The following TOMM5 variants were observed in gnomAD, a reference collection of about 807,000 sequenced individuals.
The protein encoded by TOMM5 is translocase of outer mitochondrial membrane 5.
TOMM5 carries 1 observed loss-of-function variant against 4.8 expected under a neutral mutation model. The ratio of observed to expected loss-of-function variants is 0.21; its 90% CI spans 0.07 to 0.99. The LOEUF (loss-of-function observed/expected upper bound fraction) is 0.99. Among genes scored for constraint, TOMM5 ranks in the 50% least tolerant of loss-of-function variants. TOMM5 has a pLI of 0.60. For synonymous variants in TOMM5, 26 were observed against 26.7 expected (o/e 0.97, Z 0.08); for missense variants, 60 against 66.6 (o/e 0.90, Z 0.35).
At chr9:37,592,150 C>T (rs1475242639) in intron 1 of TOMM5, 2 of 1,402,242 alleles carry the variant, frequency 1.4e-6, no homozygotes, top group Non-Finnish European at 1.9e-6. Context: ...TGAGCCAACG[C>T]GCCCGGCAGC....
intron 1 of TOMM5, among the ~76,000 whole-genome samples, chr9:37,590,579 A>G (rs1044569695): frequency 6.6e-6 from 1 of 152,208 alleles, no homozygotes; most frequent in Non-Finnish European, 1.5e-5. Context: ...GACTGCTAAA[A>G]ACCACTGAAT....
In TOMM5 at chr9:37,590,173, G is replaced by T. The variant is rs1167540969; in HGVS notation, c.122-1241C>A. Among the ~76,000 whole-genome samples the T allele has an allele frequency of 3.3e-5, 5 of 152,174 alleles. No homozygotes were observed. In the East Asian group the frequency reaches 9.6e-4, roughly 29 times the overall value. On this transcript the variant is annotated intron_variant, in intron 1 of 1. Coordinates refer to ENST00000321301, the MANE Select transcript of TOMM5 (RefSeq NM_001001790.3). ...TTGGGAGGAGGAAATGAGAAGGATT[G>T]ATCGAGCCCAATAGTTTGAGACCAA...
Position 37,588,694 on chromosome 9 carries a change from C to G in TOMM5, c.*204G>C. The G allele has an allele frequency of 1.4e-6, 1 of 695,916 alleles. No individual in the cohort carries two copies. Among genetic ancestry groups the G allele is most frequent in the Non-Finnish European group, 2.6e-6 (1 of 381,622 alleles). The allele number at this position is 695,916 out of a possible 1,614,324, so 43.1% of individuals were successfully genotyped here. On this transcript the variant is annotated 3_prime_UTR_variant, in exon 2 of 2. Transcript: ENST00000321301. ...ACAGGGATAAGGGTACACCAGATCACGAGACATCGTTTCATACTTCCCAAA... is the reference window on the plus strand; with the variant it reads ...ACAGGGATAAGGGTACACCAGATCAGGAGACATCGTTTCATACTTCCCAAA...
At chr9:37,591,051 G>A (rs552575945) in intron 1 of TOMM5, among the ~76,000 whole-genome samples, 1 of 152,190 alleles carries the variant, frequency 6.6e-6, no homozygotes, top group African/African-American at 2.4e-5. Flanking sequence ...GGGCATTCGA[G>A]AACTGATCAT....
chr9:37,591,395 T>C (rs1823098596), intron 1 of TOMM5, among the ~76,000 whole-genome samples: 2 of 152,170 alleles, frequency 1.3e-5, no homozygotes, highest in African/African-American at 4.8e-5. Flanking sequence ...AGGTCAGCAC[T>C]TTTGAAAGGG....
chr9:37,591,032 G>A (rs1005020013), intron 1 of TOMM5, among the ~76,000 whole-genome samples: 7 of 152,148 alleles, frequency 4.6e-5, no homozygotes, highest in Non-Finnish European at 8.8e-5. Flanking sequence ...AATTGAGAAC[G>A]AGAAGGCAGG....
At chr9:37,591,663 G>A (rs1267159517) in intron 1 of TOMM5, among the ~76,000 whole-genome samples, 2 of 148,766 alleles carry the variant, frequency 1.3e-5, no homozygotes, top group Admixed American at 6.8e-5. Flanking sequence ...CTGCACTCCA[G>A]CCTGGGCAAC....
At position 37,592,502 on chromosome 9, in the gene TOMM5, G is replaced by C; in HGVS notation, c.31C>G (p.Leu11Val). Residue 11 changes from leucine to valine, a missense_variant, in exon 1 of 2, where the codon CTG becomes GTG. Transcript: ENST00000321301. MFRIEGLAPKLDPEEMKRKMR... is the reference protein window; with the variant it reads MFRIEGLAPKVDPEEMKRKMR... ...TTCCGTTTCATCTCCTCCGGGTCCA[G>C]CTTCGGCGCGAGGCCCTCAATCCGG... The C allele has an allele frequency of 2.5e-6, 4 of 1,613,826 alleles. No individual in the cohort carries two copies. The highest frequency in any genetic ancestry group is 2.2e-5 in the South Asian group (2 of 91,076).
chr9:37,589,244 T>C (rs1394494812), intron 1 of TOMM5, among the ~76,000 whole-genome samples: 1 of 152,254 alleles, frequency 6.6e-6, no homozygotes, highest in Admixed American at 6.5e-5. Flanking sequence ...CGATTTATTT[T>C]AACTGTAAAA....
At position 37,592,560 on chromosome 9, in the gene TOMM5, C is replaced by T. The variant is rs911593906; in HGVS notation, c.-28G>A. ...CGGCTCTGACTTAGCAGCTTCCAGC[C>T]GCCGCGCTCTGCTCTCCACGGTGGC... On this transcript the variant is annotated 5_prime_UTR_variant, in exon 1 of 2. Transcript: ENST00000321301. The T allele has an allele frequency of 5.0e-6, 8 of 1,603,778 alleles. No homozygotes were observed. Among genetic ancestry groups the T allele is most frequent in the Non-Finnish European group, 6.8e-6 (8 of 1,174,180 alleles).
intron 1 of TOMM5, among the ~76,000 whole-genome samples, chr9:37,590,022 G>A (rs1481480073): frequency 6.6e-6 from 1 of 152,148 alleles, no homozygotes; most frequent in African/African-American, 2.4e-5. Context: ...CTACAACATG[G>A]ATGAATCTTG....
chr9:37,590,746 T>C (rs1588873980), intron 1 of TOMM5, among the ~76,000 whole-genome samples: 1 of 152,122 alleles, frequency 6.6e-6, no homozygotes, highest in African/African-American at 2.4e-5. Flanking sequence ...AGGAAATAAG[T>C]AAATTTGGGA....
At chr9:37,592,133 A>T in intron 1 of TOMM5, 1 of 1,261,252 alleles carries the variant, frequency 7.9e-7, no homozygotes, top group Non-Finnish European at 1.1e-6. Context: ...GGGTGGGATT[A>T]CAGGTGTGAG....
In TOMM5 at chr9:37,588,874, G is replaced by T. The variant is rs1286346761; in HGVS notation, c.*24C>A. On this transcript the variant is annotated 3_prime_UTR_variant, in exon 2 of 2. Transcript: ENST00000321301. ...ACTGTAACCAGGCTCTTCATATCGTGCATTCATATGTGATGTCCTGTCTTC... is the reference window on the plus strand; with the variant it reads ...ACTGTAACCAGGCTCTTCATATCGTTCATTCATATGTGATGTCCTGTCTTC... 2 of 1,612,416 alleles carry T rather than the reference G, an allele frequency of 1.2e-6. No individual in the cohort carries two copies. The highest frequency in any genetic ancestry group is 2.2e-5 in the South Asian group (2 of 91,060).
intron 1 of TOMM5, among the ~76,000 whole-genome samples, chr9:37,589,371 TG>T (rs1159491660): frequency 1.3e-5 from 2 of 152,244 alleles, no homozygotes; most frequent in African/African-American, 4.8e-5. Flanking sequence ...ACACCTATTT[TG>T]GGTCTCTTAC....
chr9:37,591,228 TC>T (rs1823094630), intron 1 of TOMM5, among the ~76,000 whole-genome samples: 1 of 152,130 alleles, frequency 6.6e-6, no homozygotes, highest in African/African-American at 2.4e-5. Flanking sequence ...GGGAGTAACT[TC>T]CTGTCAATTT....
At chr9:37,590,811 C>G (rs185742506) in intron 1 of TOMM5, among the ~76,000 whole-genome samples, 4 of 152,272 alleles carry the variant, frequency 2.6e-5, no homozygotes, top group Admixed American at 2.6e-4. Flanking sequence ...CCCCAAGACT[C>G]GCTCTTCTGT....
At chr9:37,589,959 A>G (rs763082857) in intron 1 of TOMM5, among the ~76,000 whole-genome samples, 4 of 152,254 alleles carry the variant, frequency 2.6e-5, no homozygotes, top group Admixed American at 2.0e-4. Flanking sequence ...AAAATGTGAT[A>G]CATCCTTCCA....
intron 1 of TOMM5, among the ~76,000 whole-genome samples, chr9:37,590,527 G>C (rs1823084163): frequency 6.6e-6 from 1 of 152,140 alleles, no homozygotes; most frequent in Non-Finnish European, 1.5e-5. Flanking sequence ...GTTTCTTCTA[G>C]GGGGAAAGAA....
Sources: gnomAD v4.1 joint callset for allele counts (sites outside exome capture counted in the v4.1 genomes callset) on GRCh38, gnomAD v4.1.1 for gene constraint, MANE v1.5 for transcripts, NCBI Gene and HGNC (gene_info 2026-07-23, HGNC 2026-07-21) for gene names.